The following POLQ variants were observed in gnomAD, a reference collection of about 807,000 sequenced individuals.
POLQ encodes the protein epididymis secretory sperm binding protein.
POLQ carries 233 observed loss-of-function variants against 259.2 expected under a neutral mutation model. The ratio of observed to expected loss-of-function variants is 0.90; its 90% confidence interval spans 0.81 to 1.00. The LOEUF is 1.00. POLQ is among the 50% of genes least tolerant of loss of function. POLQ has a pLI of 0.00. For synonymous variants in POLQ, 1,025 were observed against 1,048.8 expected, an observed-to-expected ratio of 0.98 and a Z score of 0.44; for missense variants, 2,871 against 3,051.6, an observed-to-expected ratio of 0.94 and a Z score of 1.39.
At chr3:121,544,448 G>A (rs181961791) in intron 2 of POLQ, among the ~76,000 whole-genome samples, 6 of 152,168 alleles carry the variant, frequency 3.9e-5, no homozygotes, top group African/African-American at 1.4e-4. Flanking sequence ...ATCTCCCATT[G>A]CACACTCACT....
At chr3:121,472,904 T>C (rs537649577) in intron 21 of POLQ, among the ~76,000 whole-genome samples, 3 of 152,330 alleles carry the variant, frequency 2.0e-5, no homozygotes, top group African/African-American at 7.2e-5. Flanking sequence ...TGATTAACAA[T>C]TGTACTTTGA....
intron 25 of POLQ, among the ~76,000 whole-genome samples, chr3:121,458,355 T>A (rs1199103222): frequency 6.6e-6 from 1 of 151,832 alleles, no homozygotes; most frequent in African/African-American, 2.4e-5. Context: ...CTGCACATTG[T>A]GCACATGTAC....
At chr3:121,460,010 A>C (rs1216600321) in intron 25 of POLQ, 40 bp downstream of exon 25, 44 of 1,485,640 alleles carry the variant, frequency 3.0e-5, no homozygotes, top group Non-Finnish European at 4.0e-5. Context: ...TGAGTCACTA[A>C]ATTCTTCTCC....
At chr3:121,457,838 G>C (rs1222198974) in intron 25 of POLQ, among the ~76,000 whole-genome samples, 1 of 152,118 alleles carries the variant, frequency 6.6e-6, no homozygotes, top group Non-Finnish European at 1.5e-5. Flanking sequence ...GATTCCTCAG[G>C]GATCTAGTAC....
intron 9 of POLQ, among the ~76,000 whole-genome samples, chr3:121,519,002 T>A (rs889859296): frequency 6.6e-6 from 1 of 152,174 alleles, no homozygotes; most frequent in Non-Finnish European, 1.5e-5. Flanking sequence ...AACTTTTGTT[T>A]GGATTGCTGG....
At chr3:121,491,102 C>T (rs998023507) in intron 15 of POLQ, among the ~76,000 whole-genome samples, 2 of 151,928 alleles carry the variant, frequency 1.3e-5, no homozygotes, top group Admixed American at 6.6e-5. Context: ...CCTGTAATCC[C>T]AGCACTTTGG....
chr3:121,459,757 C>T (rs932142428), intron 25 of POLQ, among the ~76,000 whole-genome samples: 2 of 152,138 alleles, frequency 1.3e-5, no homozygotes, highest in African/African-American at 4.8e-5. Context: ...ACCACCACTA[C>T]CACCATGACA....
intron 14 of POLQ, chr3:121,494,949 A>G (rs2048103534): frequency 4.5e-6 from 4 of 889,052 alleles, no homozygotes; most frequent in Non-Finnish European, 6.7e-6. Flanking sequence ...AATAATTAAA[A>G]TAATACAAAT....
intron 14 of POLQ, among the ~76,000 whole-genome samples, chr3:121,495,375 T>G (rs1400577520): frequency 6.6e-6 from 1 of 152,166 alleles, no homozygotes; most frequent in African/African-American, 2.4e-5. Flanking sequence ...CCCACCTGCA[T>G]TTTCTTCAAA....
chr3:121,452,536 T>C (rs1284298580), intron 25 of POLQ, among the ~76,000 whole-genome samples: 55 of 151,204 alleles, frequency 3.6e-4, no homozygotes, highest in African/African-American at 1.3e-3. Flanking sequence ...CTGTCTGAGA[T>C]CTCAGCAAGG....
intron 25 of POLQ, 137 bp downstream of exon 25, chr3:121,459,913 A>C: frequency 1.5e-6 from 1 of 666,490 alleles, no homozygotes; most frequent in East Asian, 2.6e-5. Flanking sequence ...CCATGAGATA[A>C]GCTCAGATGA....
intron 7 of POLQ, among the ~76,000 whole-genome samples, chr3:121,525,037 CT>C: frequency 6.6e-6 from 1 of 152,064 alleles, no homozygotes; most frequent in East Asian, 1.9e-4. Context: ...CCGCACACAA[CT>C]TGACTTCCCC....
chr3:121,473,412 T>C lies in POLQ; in HGVS notation c.6481A>G (p.Thr2161Ala), dbSNP rs1230386195. Reference protein sequence around the residue: ...NQGSKKTLGSTRRGIDNGRKL... With the variant: ...NQGSKKTLGSARRGIDNGRKL... ...CGTCCATTGTCAATCCCTCTTCTGG[T>C]AGAACCCAGAGTTTTCTTGCTGCCT... The change falls in exon 21 of 30, where the codon ACC becomes GCC. Residue 2161 changes from threonine (T) to alanine (A), a missense_variant. Transcript: ENST00000264233. 2 of 1,613,798 alleles carry C rather than the reference T, an allele frequency of 1.2e-6. No homozygotes were observed. Among genetic ancestry groups the C allele is most frequent in the East Asian group, 2.2e-5 (1 of 44,892 alleles).
chr3:121,476,397 C>A, intron 20 of POLQ, 143 bp downstream of exon 20: 1 of 536,464 alleles, frequency 1.9e-6, no homozygotes, highest in Non-Finnish European at 3.2e-6. Flanking sequence ...TAGAATATTC[C>A]CAAAGCAATC....
At chr3:121,439,963 G>A in intron 27 of POLQ, 29 bp downstream of exon 27, 1 of 1,594,300 alleles carries the variant, frequency 6.3e-7, no homozygotes, top group Non-Finnish European at 8.6e-7. Context: ...GAAATGTTAA[G>A]TTAAAATTCC....
chr3:121,527,357 C>T (rs1005390749), intron 7 of POLQ, among the ~76,000 whole-genome samples: 4 of 152,098 alleles, frequency 2.6e-5, no homozygotes, highest in African/African-American at 9.7e-5. Context: ...CCACCATGCC[C>T]GGCCTAATTT....
rs3218634 is a variant in POLQ, at chr3:121,432,965, G to A, written c.7612C>T (p.Leu2538Phe). Residue 2538 changes from leucine to phenylalanine, a missense_variant, in exon 29 of 30, where the codon CTC becomes TTC. Physicochemically the swap from Leu to Phe is conservative, Grantham distance 22. This residue lies in a region of POLQ where 2,080 missense variants were observed against 2,126.0 expected (regional missense o/e 0.98). Coordinates refer to ENST00000264233, the MANE Select transcript of POLQ (RefSeq NM_199420.4). ...PIRGGFFILQ[L>F]HDELLYEVAE... ...ACTTCATATAGGAGTTCATCATGGA[G>A]TTGAAGGATGAAGAAGCCTCCTCTG... 1.2e-6 allele frequency: 2 copies of A among 1,611,264 alleles called. No homozygotes were observed. The highest frequency in any genetic ancestry group is 1.7e-6 in the Non-Finnish European group (2 of 1,177,478).
At chr3:121,438,552 CAA>C (rs1346799269) in intron 27 of POLQ, among the ~76,000 whole-genome samples, 9 of 152,194 alleles carry the variant, frequency 5.9e-5, no homozygotes, top group Non-Finnish European at 1.2e-4. Context: ...TGTGACAACT[CAA>C]ACTCTCCATT....
At position 121,488,140 on chromosome 3, in the gene POLQ, T is replaced by C. The variant is rs769474655; in HGVS notation, c.4791A>G (p.Val1597=). ...SPRALELSDP[V]LDEHHQGDQD... is the part of the protein sequence containing the mutation. ...GATCACCTTGGTGGTGCTCATCAAG[T>C]ACTGGATCACTTAGTTCTAATGCTC... The change falls in exon 16 of 30, where the codon GTA becomes GTG. Residue 1597 remains valine, a synonymous_variant. Transcript: ENST00000264233. 5 of 1,613,232 alleles carry C rather than the reference T, an allele frequency of 3.1e-6. No homozygotes were observed. Among genetic ancestry groups the C allele is most frequent in the Non-Finnish European group, 4.2e-6 (5 of 1,179,458 alleles).
Sources: gnomAD v4.1 joint callset for allele counts (sites outside exome capture counted in the v4.1 genomes callset) on GRCh38, gnomAD v4.1.1 for gene constraint, gnomAD v4.1.1 regional missense constraint, MANE v1.5 for transcripts, NCBI Gene and HGNC (gene_info 2026-07-23, HGNC 2026-07-21) for gene names.